RALGDS: variants seen among roughly 807,000 people sequenced by gnomAD.
RALGDS encodes ral guanine nucleotide exchange factor.
In RALGDS, 44 loss-of-function variants were observed where a neutral mutation model predicts 99.8. The observed-to-expected ratio is 0.44, with a 90% CI of 0.35 to 0.57. RALGDS has a LOEUF of 0.57. Ranked by LOEUF, RALGDS falls within the 20% of genes least tolerant of loss-of-function variation. RALGDS has a pLI of 0.01. For missense variants in RALGDS, 1,022 were observed against 1,203.1 expected, an observed-to-expected ratio of 0.85 and a Z score of 2.23; for synonymous variants, 529 against 505.0, an observed-to-expected ratio of 1.05 and a Z score of -0.64.
intron 6 of RALGDS, among the ~76,000 whole-genome samples, chr9:133,107,545 C>CCCCCT (rs1831132653): frequency 6.6e-6 from 1 of 152,066 alleles, no homozygotes; most frequent in Non-Finnish European, 1.5e-5. Flanking sequence ...CCCATCCCCC[C>CCCCCT]GCCTCAGTCT....
chr9:133,147,659 C>T (rs1054550061), intron 1 of RALGDS, among the ~76,000 whole-genome samples: 1 of 152,194 alleles, frequency 6.6e-6, no homozygotes, highest in Non-Finnish European at 1.5e-5. Flanking sequence ...CCAGTTGCTC[C>T]AATGAGTACA....
intron 1 of RALGDS, among the ~76,000 whole-genome samples, chr9:133,126,419 T>C (rs1215815139): frequency 2.0e-5 from 3 of 152,242 alleles, no homozygotes; most frequent in Admixed American, 1.3e-4. Flanking sequence ...GTTTTTAAAA[T>C]TTTAAGCCAA....
chr9:133,112,500 G>A (rs1831397881), intron 1 of RALGDS, among the ~76,000 whole-genome samples: 1 of 152,180 alleles, frequency 6.6e-6, no homozygotes, highest in African/African-American at 2.4e-5. Context: ...GGTAAATGGA[G>A]GCTGAGAGAG....
chr9:133,116,556 A>T (rs921780768), intron 1 of RALGDS, among the ~76,000 whole-genome samples: 2 of 152,220 alleles, frequency 1.3e-5, no homozygotes, highest in Non-Finnish European at 2.9e-5. Context: ...AGCCCCTGAC[A>T]GTCAGGTGAA....
At chr9:133,148,337 C>T (rs1024730552) in intron 1 of RALGDS, among the ~76,000 whole-genome samples, 1 of 152,250 alleles carries the variant, frequency 6.6e-6, no homozygotes, top group Non-Finnish European at 1.5e-5. Context: ...CCAGGCTGCC[C>T]CAGCCCAGAC....
intron 8 of RALGDS, among the ~76,000 whole-genome samples, 159 bp from the exon 9 acceptor site, chr9:133,106,175 C>A (rs1188745551): frequency 2.0e-5 from 3 of 151,526 alleles, no homozygotes; most frequent in African/African-American, 4.9e-5. Context: ...GGGGAGGGGG[C>A]CTTCATGTTG....
chr9:133,121,207 GGCGCGGCCC>G lies in RALGDS; in HGVS notation c.-62_-54del, dbSNP rs1353733632. ...CGGCCCGGCGCGCGGCGGGGGCGGC[GGCGCGGCCC>G]GCGCGGCTGGGCTTTGCCACCGCTG... is the stretch of plus-strand genomic sequence containing the variant. On this transcript the variant is annotated 5_prime_UTR_variant, in exon 1 of 18. Transcript: ENST00000372050. 2 of 986,562 alleles carry G rather than the reference GGCGCGGCCC, an allele frequency of 2.0e-6. No individual in the cohort carries two copies. Among genetic ancestry groups the G allele is most frequent in the Non-Finnish European group, 2.4e-6 (2 of 832,424 alleles). The allele number at this position is 986,562 out of a possible 1,614,324, so 61.1% of individuals were successfully genotyped here.
At chr9:133,102,697 T>C in intron 13 of RALGDS, 82 bp downstream of exon 13, 2 of 1,603,044 alleles carry the variant, frequency 1.2e-6, no homozygotes, top group South Asian at 1.1e-5. Context: ...AGGCTGACCA[T>C]GGGTCATAGC....
chr9:133,109,866 A>G lies in RALGDS; in HGVS notation c.489-145T>C, dbSNP rs1831254886. On this transcript the variant is annotated intron_variant, in intron 3 of 17. Coordinates refer to ENST00000372050, the MANE Select transcript of RALGDS (RefSeq NM_006266.4). Reference sequence around the variant, plus strand: ...AGCACACAGTAGGTGCTTCATATATATTTGTTCAATGAATAAGTCCCAACC... The same window carrying G: ...AGCACACAGTAGGTGCTTCATATATGTTTGTTCAATGAATAAGTCCCAACC... The G allele has an allele frequency of 4.7e-5, 33 of 707,100 alleles. No individual in the cohort carries two copies. The South Asian group carries it at 4.9e-4, about 10-fold the overall frequency. The allele number at this position is 707,100 out of a possible 1,614,324, so 43.8% of individuals were successfully genotyped here. A position where few individuals can be genotyped will look rare whatever the true frequency, so the allele number is the denominator to read the frequency against.
At chr9:133,143,956 G>T (rs977631599) in intron 1 of RALGDS, among the ~76,000 whole-genome samples, 1 of 151,698 alleles carries the variant, frequency 6.6e-6, no homozygotes, top group African/African-American at 2.4e-5. Flanking sequence ...ACACTGCCTC[G>T]CCCCTTTGTA....
In RALGDS at chr9:133,105,924, C is replaced by T; in HGVS notation, c.1602+8G>A. ...CCCAGCCCCCGCCCCAGCCTGCCGCCACTCCACCTTGATGAGCAGCTCCCG... is the reference window on the plus strand; with the variant it reads ...CCCAGCCCCCGCCCCAGCCTGCCGCTACTCCACCTTGATGAGCAGCTCCCG... On this transcript the variant is annotated splice_region_variant and intron_variant, in intron 9 of 17. Transcript: ENST00000372050. 6.7e-7 allele frequency: 1 copy of T among 1,490,686 alleles called. No homozygotes were observed. The highest frequency in any genetic ancestry group is 9.1e-7 in the Non-Finnish European group (1 of 1,098,808). 92.3% of individuals were successfully genotyped at this position (1,490,686 alleles called of 1,614,324 possible).
rs149171819 is a variant in RALGDS, at chr9:133,106,695, C to A, written c.1467G>T (p.Leu489=). 15 of 1,612,806 alleles carry A rather than the reference C, an allele frequency of 9.3e-6. No homozygotes were observed. Among genetic ancestry groups the A allele is most frequent in the Non-Finnish European group, 1.2e-5 (14 of 1,179,706 alleles). The part of the protein sequence containing the change: ...FSSLYAILSA[L]QSNSIHRLKK... ...TCAGACGGTGGATGGAGTTGCTCTG[C>A]AGGGCAGAGAGGATGGCATACAGTG... Residue 489 remains leucine (L), a synonymous_variant, in exon 8 of 18, where the codon CTG becomes CTT. Transcript: ENST00000372050.
At chr9:133,120,435 C>A (rs1831869690) in intron 1 of RALGDS, among the ~76,000 whole-genome samples, 1 of 140,666 alleles carries the variant, frequency 7.1e-6, no homozygotes, top group African/African-American at 2.6e-5. Context: ...CCGACCCCCC[C>A]CCCACCCCGC....
intron 9 of RALGDS, 117 bp downstream of exon 9, chr9:133,105,815 C>G: frequency 2.5e-6 from 1 of 398,728 alleles, no homozygotes; most frequent in South Asian, 2.4e-5. Flanking sequence ...TGCCACCGCC[C>G]GCCGCCCCAG....
chr9:133,099,631 TATATACACATATATACATAC>T (rs66785823), intron 17 of RALGDS: 125,601 of 155,378 alleles, frequency 0.81, 51,267 homozygotes, highest in Middle Eastern at 0.87. Context: ...TACATGCATA[TATATACACATATATACATAC>T]ATATACACAT....
chr9:133,122,829 C>T (rs778883964), upstream of RALGDS, among the ~76,000 whole-genome samples: 6 of 152,090 alleles, frequency 3.9e-5, no homozygotes, highest in Non-Finnish European at 7.3e-5. Flanking sequence ...CTCAGCCTCT[C>T]GAGGAGCTGG....
intron 1 of RALGDS, among the ~76,000 whole-genome samples, chr9:133,139,757 G>A (rs1184224712): frequency 3.9e-5 from 6 of 152,326 alleles, no homozygotes; most frequent in African/African-American, 1.2e-4. Flanking sequence ...GTGGGCCATC[G>A]GCCATCTCCC....
intron 17 of RALGDS, 44 bp from the exon 18 acceptor site, chr9:133,098,806 G>A: frequency 1.3e-6 from 2 of 1,593,520 alleles, no homozygotes; most frequent in Non-Finnish European, 1.7e-6. Flanking sequence ...GCTCCTGGGG[G>A]CCCTGCAGGA....
chr9:133,110,425 G>A lies in RALGDS; in HGVS notation c.359C>T (p.Thr120Met), dbSNP rs374734282. The change falls in exon 3 of 18, where the codon ACG (threonine) becomes ATG (methionine). Residue 120 changes from threonine (T) to methionine (M), a missense_variant. Physicochemically the swap from Thr to Met is moderately conservative, Grantham distance 81. Around this residue, in one of 3 missense-constraint regions of RALGDS, gnomAD observed 17 missense variants for 39.3 expected, o/e 0.43. Coordinates refer to ENST00000372050, the MANE Select transcript of RALGDS (RefSeq NM_006266.4). ...CAGGTGCTCCACCAGCTTCTCCAGCGTGCCAGCCTTCACGGTCCGCACCTT... is the reference window on the plus strand; with the variant it reads ...CAGGTGCTCCACCAGCTTCTCCAGCATGCCAGCCTTCACGGTCCGCACCTT... ...TCKVRTVKAG[T>M]LEKLVEHLVP... The A allele has an allele frequency of 1.3e-5, 21 of 1,613,418 alleles. No homozygotes were observed. The highest frequency in any genetic ancestry group is 5.0e-5 in the Admixed American group (3 of 60,026).
Sources: allele counts gnomAD v4.1 joint callset (sites outside exome capture counted in the v4.1 genomes callset), GRCh38; gene constraint gnomAD v4.1.1; regional missense constraint gnomAD v4.1.1; transcripts MANE v1.5; gene names NCBI Gene and HGNC (gene_info 2026-07-23, HGNC 2026-07-21).